XKR6: variants seen among roughly 807,000 people sequenced by gnomAD.
The protein encoded by XKR6 is XK related 6, also known as XK-related protein 6.
In XKR6, 22 loss-of-function variants were observed where a neutral mutation model predicts 56.7. That is an observed-to-expected ratio of 0.39 (90% CI 0.28 to 0.55). The LOEUF is 0.55. XKR6 is among the 20% of genes least tolerant of loss of function. The pLI, the probability that XKR6 is intolerant of heterozygous loss-of-function variation, is 0.66. For synonymous variants in XKR6, 524 were observed against 387.8 expected, an observed-to-expected ratio of 1.35 and a Z score of -4.13; for missense variants, 852 against 889.0, an observed-to-expected ratio of 0.96 and a Z score of 0.53.
chr8:11,109,085 A>G (rs1798793094), intron 1 of XKR6: 2 of 152,346 alleles, frequency 1.3e-5, no homozygotes, highest in South Asian at 2.1e-4. Flanking sequence ...GTGACCAAGA[A>G]GGTGCAGATT....
At chr8:11,025,684 T>C (rs978094638) in intron 1 of XKR6, among the ~76,000 whole-genome samples, 66 of 152,342 alleles carry the variant, frequency 4.3e-4, no homozygotes, top group African/African-American at 1.4e-3. Context: ...TTTGTTAATA[T>C]ACATCATGGT....
At chr8:11,170,596 T>C (rs1205882138) in intron 1 of XKR6, among the ~76,000 whole-genome samples, 1 of 152,204 alleles carries the variant, frequency 6.6e-6, no homozygotes, top group African/African-American at 2.4e-5. Context: ...TTTTGTAGGA[T>C]TAAAAATGTG....
chr8:10,965,641 G>A (rs1802198585), intron 1 of XKR6, among the ~76,000 whole-genome samples: 2 of 152,208 alleles, frequency 1.3e-5, no homozygotes, highest in African/African-American at 2.4e-5. Flanking sequence ...TTGAGACTTG[G>A]GAGAATGAAG....
intron 1 of XKR6, among the ~76,000 whole-genome samples, chr8:10,949,186 A>G (rs547569349): frequency 4.5e-4 from 69 of 151,814 alleles, no homozygotes; most frequent in East Asian, 2.3e-3. Context: ...GGAGCAAATC[A>G]CCCCCCTACT....
chr8:11,077,045 C>T (rs889595999), intron 1 of XKR6, among the ~76,000 whole-genome samples: 1 of 144,490 alleles, frequency 6.9e-6, no homozygotes, highest in South Asian at 2.1e-4. Context: ...CATGGTGGCA[C>T]ATGCCTGTAG....
chr8:10,928,437 G>A (rs1478362165), intron 1 of XKR6, among the ~76,000 whole-genome samples: 2 of 152,218 alleles, frequency 1.3e-5, no homozygotes, highest in African/African-American at 4.8e-5. Context: ...TGGGAGGAAG[G>A]CATAAGCCAT....
chr8:11,191,234 G>A (rs1320218267), intron 1 of XKR6, among the ~76,000 whole-genome samples: 1 of 152,154 alleles, frequency 6.6e-6, no homozygotes, highest in Non-Finnish European at 1.5e-5. Flanking sequence ...AGAATTACCA[G>A]GGAGCCTGTT....
chr8:10,946,751 C>G (rs1801559455), intron 1 of XKR6, among the ~76,000 whole-genome samples: 1 of 152,152 alleles, frequency 6.6e-6, no homozygotes, highest in African/African-American at 2.4e-5. Context: ...TGCCCTCATG[C>G]TGTTCACAGA....
chr8:11,108,038 C>T (rs1798746841), intron 1 of XKR6: 1 of 326,362 alleles, frequency 3.1e-6, no homozygotes. Context: ...CTCAGCGAGG[C>T]TGTATTTTGT....
At chr8:11,095,517 CCCAGCACACA>C (rs1331162367) in intron 1 of XKR6, among the ~76,000 whole-genome samples, 1 of 152,180 alleles carries the variant, frequency 6.6e-6, no homozygotes, top group Non-Finnish European at 1.5e-5. Context: ...CAGGGGCTCC[CCCAGCACACA>C]CTGTTCTGAA....
At chr8:11,020,556 G>A (rs548543481) in intron 1 of XKR6, among the ~76,000 whole-genome samples, 30 of 152,148 alleles carry the variant, frequency 2.0e-4, no homozygotes, top group Non-Finnish European at 3.4e-4. Context: ...ACATGTATCG[G>A]TGAGTTGGGG....
chr8:11,003,554 T>C (rs986051468), intron 1 of XKR6, among the ~76,000 whole-genome samples: 1 of 152,234 alleles, frequency 6.6e-6, no homozygotes. Context: ...ACCTAATCTG[T>C]GTAAGTACTG....
At chr8:10,951,346 T>C (rs1396337985) in intron 1 of XKR6, among the ~76,000 whole-genome samples, 1 of 135,660 alleles carries the variant, frequency 7.4e-6, no homozygotes, top group African/African-American at 2.8e-5. Flanking sequence ...CACACCAGAA[T>C]GGGACAAGGT....
At chr8:11,014,432 C>T (rs77266534) in intron 1 of XKR6, among the ~76,000 whole-genome samples, 4,725 of 152,270 alleles carry the variant, frequency 0.031, 246 homozygotes, top group African/African-American at 0.11. Context: ...GGAAAACCCC[C>T]TGCGGGCTCC....
At chr8:10,928,530 C>A (rs549656226) in intron 1 of XKR6, among the ~76,000 whole-genome samples, 1 of 152,342 alleles carries the variant, frequency 6.6e-6, no homozygotes, top group East Asian at 1.9e-4. Context: ...TCCTGGGTGA[C>A]CTCTGAGGCT....
chr8:11,054,600 C>T (rs557318377), intron 1 of XKR6, among the ~76,000 whole-genome samples: 62 of 152,358 alleles, frequency 4.1e-4, no homozygotes, highest in African/African-American at 1.5e-3. Flanking sequence ...CTATCCCAGC[C>T]ATGCTCCGGG....
chr8:11,124,277 A>C, intron 1 of XKR6: 1 of 341,770 alleles, frequency 2.9e-6, no homozygotes, highest in South Asian at 2.3e-5. Context: ...GCAAAACACA[A>C]ACCAGGATGT....
chr8:11,026,097 T>G (rs1241460917), intron 1 of XKR6, among the ~76,000 whole-genome samples: 3 of 152,186 alleles, frequency 2.0e-5, no homozygotes. Flanking sequence ...ATTTCATCAT[T>G]GTACGAGCAT....
At chr8:11,176,077 G>A (rs762129880) in intron 1 of XKR6, among the ~76,000 whole-genome samples, 1 of 152,150 alleles carries the variant, frequency 6.6e-6, no homozygotes, top group African/African-American at 2.4e-5. Flanking sequence ...ATTTTACAAG[G>A]TTCCCAGCTT....
Sources: allele counts gnomAD v4.1 joint callset (sites outside exome capture counted in the v4.1 genomes callset), GRCh38; gene constraint gnomAD v4.1.1; transcripts MANE v1.5; gene names NCBI Gene and HGNC (gene_info 2026-07-23, HGNC 2026-07-21).